The following ARID5B variants were observed in gnomAD, a reference collection of about 807,000 sequenced individuals.
ARID5B encodes AT-rich interactive domain-containing protein 5B.
In ARID5B, 13 loss-of-function variants were observed where a neutral mutation model predicts 97.2. The observed-to-expected ratio is 0.13, with a 90% CI of 0.09 to 0.21. ARID5B has a LOEUF of 0.21. Among genes scored for constraint, ARID5B ranks in the 10% least tolerant of loss-of-function variants. ARID5B has a pLI of 1.00. For missense variants in ARID5B, 1,210 were observed against 1,465.3 expected, an observed-to-expected ratio of 0.83 and a Z score of 2.84; for synonymous variants, 556 against 570.3, an observed-to-expected ratio of 0.97 and a Z score of 0.36.
chr10:61,908,163 A>G (rs533470127), intron 2 of ARID5B, among the ~76,000 whole-genome samples: 1 of 152,368 alleles, frequency 6.6e-6, no homozygotes, highest in African/African-American at 2.4e-5. Flanking sequence ...GTTAAGAGCG[A>G]AACTTTAGCC....
At chr10:62,089,067 C>T (rs528086726) in intron 9 of ARID5B, among the ~76,000 whole-genome samples, 1 of 152,268 alleles carries the variant, frequency 6.6e-6, no homozygotes, top group Admixed American at 6.5e-5. Flanking sequence ...GACTGAGTAT[C>T]CCTCATTGCC....
chr10:61,979,497 C>A (rs1253054917), intron 3 of ARID5B, among the ~76,000 whole-genome samples: 1 of 152,144 alleles, frequency 6.6e-6, no homozygotes, highest in African/African-American at 2.4e-5. Context: ...GTCATCACTC[C>A]CAGCCAACAC....
At chr10:61,952,403 CACCTTACTCTATACCT>C (rs1838335287) in intron 3 of ARID5B, among the ~76,000 whole-genome samples, 1 of 152,222 alleles carries the variant, frequency 6.6e-6, no homozygotes, top group Non-Finnish European at 1.5e-5. Flanking sequence ...CCTTATTGAT[CACCTTACTCTATACCT>C]ACCAATATAA....
At chr10:62,056,970 C>A in intron 5 of ARID5B, 147 bp from the exon 6 acceptor site, 1 of 722,702 alleles carries the variant, frequency 1.4e-6, no homozygotes, top group Non-Finnish European at 2.2e-6. Flanking sequence ...TCAGTGATGC[C>A]TCTGAAAAGC....
intron 2 of ARID5B, among the ~76,000 whole-genome samples, chr10:61,938,052 C>A (rs1448647184): frequency 2.0e-5 from 3 of 151,934 alleles, no homozygotes; most frequent in African/African-American, 7.3e-5. Flanking sequence ...TGAATTCCTG[C>A]ATTTGTTTTT....
At position 61,940,411 on chromosome 10, in the gene ARID5B, A is replaced by G. The variant is rs766379702; in HGVS notation, c.502+3A>G. 6.2e-7 allele frequency: 1 copy of G among 1,609,636 alleles called. No individual in the cohort carries two copies. Among genetic ancestry groups the G allele is most frequent in the Admixed American group, 1.7e-5 (1 of 59,230 alleles). ...TCTCAAGGAGAAGGCAGACCTGGGTAAATATGACTTGTAATTTTAAATCTA... is the reference window on the plus strand; with the variant it reads ...TCTCAAGGAGAAGGCAGACCTGGGTGAATATGACTTGTAATTTTAAATCTA... On this transcript the variant is annotated splice_donor_region_variant and intron_variant, in intron 3 of 9. Transcript: ENST00000279873.
chr10:62,035,542 G>A (rs1839551746), intron 4 of ARID5B, among the ~76,000 whole-genome samples: 2 of 152,200 alleles, frequency 1.3e-5, no homozygotes, highest in Non-Finnish European at 2.9e-5. Flanking sequence ...CCAGGCTGGA[G>A]TGCAGTGGCA....
chr10:62,044,128 A>G (rs1839675208), intron 4 of ARID5B, among the ~76,000 whole-genome samples: 2 of 151,970 alleles, frequency 1.3e-5, no homozygotes, highest in African/African-American at 2.4e-5. Context: ...AGCAGAGTTC[A>G]TTGGAAATGC....
chr10:62,071,788 A>G (rs1399535544), intron 8 of ARID5B, among the ~76,000 whole-genome samples: 2 of 152,332 alleles, frequency 1.3e-5, no homozygotes, highest in Non-Finnish European at 2.9e-5. Context: ...AAGATGTCTT[A>G]AAATTTTTCT....
chr10:61,909,330 T>G (rs1490212539), intron 2 of ARID5B, among the ~76,000 whole-genome samples: 3 of 140,852 alleles, frequency 2.1e-5, no homozygotes, highest in Admixed American at 7.0e-5. Flanking sequence ...TTTTTTTTTT[T>G]TTTTTTTTTT....
intron 3 of ARID5B, among the ~76,000 whole-genome samples, chr10:61,949,915 C>G (rs573904507): frequency 6.6e-5 from 10 of 152,260 alleles, no homozygotes; most frequent in Admixed American, 5.9e-4. Context: ...TTCATTATCA[C>G]TGATAGATTG....
chr10:61,941,516 GTT>G (rs775071210), intron 3 of ARID5B, among the ~76,000 whole-genome samples: 5 of 142,972 alleles, frequency 3.5e-5, no homozygotes, highest in Non-Finnish European at 6.2e-5. Context: ...CAACTTCCTG[GTT>G]TTTTTTTTTT....
At chr10:62,047,695 T>G (rs1010805704) in intron 4 of ARID5B, among the ~76,000 whole-genome samples, 5 of 152,144 alleles carry the variant, frequency 3.3e-5, no homozygotes, top group Admixed American at 1.3e-4. Context: ...TGAATTAAAG[T>G]CCGCAGACCC....
At chr10:62,023,820 G>A (rs1839385415) in intron 4 of ARID5B, among the ~76,000 whole-genome samples, 1 of 152,214 alleles carries the variant, frequency 6.6e-6, no homozygotes, top group Non-Finnish European at 1.5e-5. Flanking sequence ...GTTCTGCCCT[G>A]AACTGTGCCC....
chr10:61,930,271 C>T (rs892017724), intron 2 of ARID5B, among the ~76,000 whole-genome samples: 6 of 152,206 alleles, frequency 3.9e-5, no homozygotes, highest in African/African-American at 1.4e-4. Context: ...CTCCAAGGGT[C>T]TCTTGCATAT....
intron 2 of ARID5B, among the ~76,000 whole-genome samples, chr10:61,921,142 T>C (rs1448309815): frequency 6.6e-6 from 1 of 152,262 alleles, no homozygotes; most frequent in Admixed American, 6.5e-5. Context: ...GGTGTGTAAA[T>C]GTGTCCTGTG....
chr10:62,053,103 C>T (rs1839812455), intron 5 of ARID5B, among the ~76,000 whole-genome samples: 1 of 152,202 alleles, frequency 6.6e-6, no homozygotes, highest in Non-Finnish European at 1.5e-5. Context: ...GCATGTGTGT[C>T]TTAACATGGT....
chr10:62,011,204 A>G (rs1839213769), intron 4 of ARID5B, among the ~76,000 whole-genome samples: 1 of 152,152 alleles, frequency 6.6e-6, no homozygotes, highest in African/African-American at 2.4e-5. Flanking sequence ...CCCAGGCATG[A>G]ATATTATATC....
At chr10:62,056,121 AC>A (rs1460105469) in intron 5 of ARID5B, among the ~76,000 whole-genome samples, 4 of 152,148 alleles carry the variant, frequency 2.6e-5, no homozygotes, top group Non-Finnish European at 5.9e-5. Flanking sequence ...ATATTTAACG[AC>A]CATCAAAGTC....
Sources: allele counts gnomAD v4.1 joint callset (sites outside exome capture counted in the v4.1 genomes callset), GRCh38; gene constraint gnomAD v4.1.1; transcripts MANE v1.5; gene names NCBI Gene and HGNC (gene_info 2026-07-23, HGNC 2026-07-21).